The following STXBP5L variants were observed in gnomAD, a reference collection of about 807,000 sequenced individuals.
STXBP5L encodes syntaxin-binding protein 5-like.
A neutral mutation model predicts 144.5 loss-of-function variants in STXBP5L; 65 were observed. That is an observed-to-expected ratio of 0.45 (90% CI 0.37 to 0.55). STXBP5L has a LOEUF of 0.55. Ranked by LOEUF, STXBP5L falls within the 20% of genes least tolerant of loss-of-function variation. The probability of loss-of-function intolerance (pLI) is 0.00; values close to 1 mark genes in which losing one functional copy is unlikely to be tolerated. For missense variants in STXBP5L, 1,298 were observed against 1,405.5 expected, an observed-to-expected ratio of 0.92 and a Z score of 1.22; for synonymous variants, 505 against 469.6, an observed-to-expected ratio of 1.08 and a Z score of -0.97.
intron 5 of STXBP5L, among the ~76,000 whole-genome samples, chr3:121,082,670 A>AGT (rs2042307667): frequency 6.6e-6 from 1 of 152,176 alleles, no homozygotes; most frequent in African/African-American, 2.4e-5. Context: ...GGGACATGAC[A>AGT]GTGTGTGTGT....
intron 18 of STXBP5L, among the ~76,000 whole-genome samples, chr3:121,263,910 C>T (rs980357695): frequency 3.3e-5 from 5 of 152,184 alleles, no homozygotes; most frequent in South Asian, 2.1e-4. Context: ...TCCAGGAGAA[C>T]TTCCCCAACC....
At chr3:120,964,788 T>A (rs550451310) in intron 3 of STXBP5L, among the ~76,000 whole-genome samples, 2 of 152,272 alleles carry the variant, frequency 1.3e-5, no homozygotes, top group Non-Finnish European at 2.9e-5. Context: ...CTATTAGGTC[T>A]GCTTGTTGCA....
At position 120,983,396 on chromosome 3, in the gene STXBP5L, G is replaced by A. The variant is rs540983526; in HGVS notation, c.287+28359G>A. Among the ~76,000 whole-genome samples, 3 of 152,236 alleles carry A rather than the reference G, an allele frequency of 2.0e-5. No individual in the cohort carries two copies. In the South Asian group the frequency reaches 6.2e-4, roughly 32 times the overall value. Reference sequence around the variant, plus strand: ...TTCTCTGTCCCACAGCAGTGGTGGTGGTATCTGTTTTTGGGGCCTTGTGAA... The same window carrying A: ...TTCTCTGTCCCACAGCAGTGGTGGTAGTATCTGTTTTTGGGGCCTTGTGAA... On this transcript the variant is annotated intron_variant, in intron 3 of 26. Coordinates refer to ENST00000471454, the MANE Select transcript of STXBP5L (RefSeq NM_001308330.2).
At chr3:121,298,362 C>T (rs1394507321) in intron 19 of STXBP5L, among the ~76,000 whole-genome samples, 2 of 152,152 alleles carry the variant, frequency 1.3e-5, no homozygotes, top group Non-Finnish European at 2.9e-5. Flanking sequence ...AGACCTAAAA[C>T]TGTAAAACTT....
intron 2 of STXBP5L, among the ~76,000 whole-genome samples, chr3:120,950,290 G>T (rs1711125673): frequency 6.6e-6 from 1 of 151,972 alleles, no homozygotes. Context: ...TTTCCTCAAT[G>T]AATTGTCTTG....
At chr3:120,991,230 A>G (rs1171381231) in intron 3 of STXBP5L, among the ~76,000 whole-genome samples, 2 of 151,910 alleles carry the variant, frequency 1.3e-5, no homozygotes, top group Non-Finnish European at 2.9e-5. Context: ...ACATGAAAAA[A>G]TGCTCATCAT....
chr3:121,227,170 C>G (rs1016206950), intron 11 of STXBP5L, among the ~76,000 whole-genome samples: 1 of 152,020 alleles, frequency 6.6e-6, no homozygotes, highest in Admixed American at 6.5e-5. Context: ...GGATACTTTA[C>G]CAAAATATTG....
chr3:121,303,335 C>G (rs2052005348), intron 19 of STXBP5L, among the ~76,000 whole-genome samples: 1 of 151,892 alleles, frequency 6.6e-6, no homozygotes, highest in Non-Finnish European at 1.5e-5. Flanking sequence ...GAGATACCAT[C>G]TCACACCAGT....
At chr3:120,981,050 T>C (rs1018144657) in intron 3 of STXBP5L, among the ~76,000 whole-genome samples, 2 of 152,172 alleles carry the variant, frequency 1.3e-5, no homozygotes, top group Non-Finnish European at 2.9e-5. Context: ...TTCTTGTTTG[T>C]AAGGTTTCTG....
At chr3:121,305,330 G>A (rs1168466818) in intron 19 of STXBP5L, among the ~76,000 whole-genome samples, 1 of 152,106 alleles carries the variant, frequency 6.6e-6, no homozygotes, top group Non-Finnish European at 1.5e-5. Flanking sequence ...CCAGCACAAT[G>A]TTGATAACTA....
chr3:121,018,956 G>A (rs142740536), intron 3 of STXBP5L, among the ~76,000 whole-genome samples: 1 of 152,204 alleles, frequency 6.6e-6, no homozygotes, highest in Non-Finnish European at 1.5e-5. Flanking sequence ...TCTCAGCTTA[G>A]AGGCTTGTAG....
At chr3:121,281,722 T>C (rs543797010) in intron 19 of STXBP5L, among the ~76,000 whole-genome samples, 127 of 152,108 alleles carry the variant, frequency 8.3e-4, no homozygotes, top group African/African-American at 2.8e-3. Context: ...GCTTAGAACA[T>C]TGATGACTTT....
intron 22 of STXBP5L, among the ~76,000 whole-genome samples, chr3:121,405,501 T>G (rs2046976034): frequency 6.6e-6 from 1 of 152,210 alleles, no homozygotes; most frequent in South Asian, 2.1e-4. Flanking sequence ...CTGTATGTAT[T>G]GATTGAATGA....
At chr3:121,296,192 A>G (rs999707813) in intron 19 of STXBP5L, among the ~76,000 whole-genome samples, 8 of 152,220 alleles carry the variant, frequency 5.3e-5, no homozygotes, top group South Asian at 2.1e-4. Flanking sequence ...CACATGTCAG[A>G]CACAGCTTTA....
intron 3 of STXBP5L, among the ~76,000 whole-genome samples, chr3:120,978,436 A>T (rs1247067999): frequency 2.6e-5 from 4 of 152,232 alleles, no homozygotes; most frequent in South Asian, 4.1e-4. Context: ...TATTCTAGTT[A>T]TACATTTGTC....
intron 11 of STXBP5L, among the ~76,000 whole-genome samples, chr3:121,224,036 C>T (rs935223798): frequency 8.5e-5 from 13 of 152,074 alleles, no homozygotes; most frequent in African/African-American, 2.7e-4. Flanking sequence ...TGTGTGTATA[C>T]ATTACTATAT....
chr3:121,230,495 A>G (rs527902148), intron 11 of STXBP5L, among the ~76,000 whole-genome samples: 252 of 150,962 alleles, frequency 1.7e-3, no homozygotes, highest in Non-Finnish European at 2.8e-3. Flanking sequence ...TATAAAAGTA[A>G]TGACCTTAAA....
At chr3:121,204,623 A>G (rs1428559936) in intron 9 of STXBP5L, among the ~76,000 whole-genome samples, 3 of 144,404 alleles carry the variant, frequency 2.1e-5, no homozygotes, top group African/African-American at 7.4e-5. Context: ...TAATAGATAA[A>G]CAATGTATTA....
At chr3:121,176,509 G>GT (rs2046941448) in intron 9 of STXBP5L, among the ~76,000 whole-genome samples, 2 of 110,454 alleles carry the variant, frequency 1.8e-5, no homozygotes, top group South Asian at 5.3e-4. Context: ...AAAAAAAAAA[G>GT]GTGAAGTATT....
Sources: gnomAD v4.1 joint callset for allele counts (sites outside exome capture counted in the v4.1 genomes callset) on GRCh38, gnomAD v4.1.1 for gene constraint, MANE v1.5 for transcripts, NCBI Gene and HGNC (gene_info 2026-07-23, HGNC 2026-07-21) for gene names.